The following RIGI variants were observed in gnomAD, a reference collection of about 807,000 sequenced individuals.
RIGI encodes antiviral innate immune response receptor RIG-I.
At chr9:32,458,677 T>C in the RIGI span, among the ~76,000 whole-genome samples, 3 of 152,340 alleles carry the variant, frequency 2.0e-5, no homozygotes, top group South Asian at 6.2e-4. Context: ...AAAGAAAAAT[T>C]GCAAAGATAT....
the RIGI span, among the ~76,000 whole-genome samples, chr9:32,491,106 G>T: frequency 1.3e-5 from 2 of 152,276 alleles, no homozygotes; most frequent in Middle Eastern, 3.4e-3. Flanking sequence ...AAGAAAAAAA[G>T]ATAGTGGAAG....
chr9:32,481,571 C>T, the RIGI span: 1 of 1,095,632 alleles, frequency 9.1e-7, no homozygotes, highest in Non-Finnish European at 1.3e-6. Context: ...CAGGCCTCAC[C>T]CTCTAATTTT....
At chr9:32,470,284 T>G in the RIGI span, among the ~76,000 whole-genome samples, 1 of 152,312 alleles carries the variant, frequency 6.6e-6, no homozygotes, top group African/African-American at 2.4e-5. Context: ...CAGGCATTGT[T>G]CTAAACCAGA....
chr9:32,477,027 C>G, the RIGI span: 12 of 1,614,024 alleles, frequency 7.4e-6, no homozygotes, highest in African/African-American at 1.5e-4. Flanking sequence ...GTTATTGTCT[C>G]TGGGTTTAAG....
At chr9:32,478,071 G>T in the RIGI span, among the ~76,000 whole-genome samples, 1 of 151,770 alleles carries the variant, frequency 6.6e-6, no homozygotes. Context: ...TCCTGAGATG[G>T]AGTCTCCTGG....
At chr9:32,459,355 T>C in the RIGI span, 3 of 1,610,836 alleles carry the variant, frequency 1.9e-6, no homozygotes, top group Non-Finnish European at 2.5e-6. Flanking sequence ...AGGCACTTTG[T>C]AAAAAGGCAG....
At chr9:32,485,540 T>C in the RIGI span, 1 of 480,780 alleles carries the variant, frequency 2.1e-6, no homozygotes, top group East Asian at 5.3e-5. Context: ...TCTTTTTTTT[T>C]TTTTTTTTTT....
chr9:32,522,611 G>T, the RIGI span, among the ~76,000 whole-genome samples: 2 of 152,182 alleles, frequency 1.3e-5, no homozygotes, highest in African/African-American at 4.8e-5. Flanking sequence ...GGCCCATCCA[G>T]CTGTGATATG....
chr9:32,505,331 C>A, the RIGI span, among the ~76,000 whole-genome samples: 2 of 151,964 alleles, frequency 1.3e-5, no homozygotes, highest in Non-Finnish European at 2.9e-5. Context: ...AAAAGAAGAC[C>A]TCAAGGGTAT....
At chr9:32,460,785 C>T in the RIGI span, among the ~76,000 whole-genome samples, 1 of 150,418 alleles carries the variant, frequency 6.6e-6, no homozygotes, top group Non-Finnish European at 1.5e-5. Flanking sequence ...AAAAAAAAAG[C>T]GCAAAGTCTC....
the RIGI span, among the ~76,000 whole-genome samples, chr9:32,521,485 C>T: frequency 8.5e-5 from 13 of 152,174 alleles, no homozygotes; most frequent in Admixed American, 5.2e-4. Flanking sequence ...TATTTTGTAG[C>T]GACCTGTGAT....
At chr9:32,504,994 T>C in the RIGI span, among the ~76,000 whole-genome samples, 2 of 124,760 alleles carry the variant, frequency 1.6e-5, no homozygotes, top group East Asian at 4.0e-4. Flanking sequence ...ATATATTTTA[T>C]ATATAATATA....
the RIGI span, among the ~76,000 whole-genome samples, chr9:32,481,066 A>G: frequency 6.6e-6 from 1 of 152,122 alleles, no homozygotes; most frequent in South Asian, 2.1e-4. Flanking sequence ...CAATCACCCA[A>G]TTTTTTCCAA....
chr9:32,488,749 T>C, the RIGI span: 1 of 1,608,842 alleles, frequency 6.2e-7, no homozygotes, highest in Non-Finnish European at 8.5e-7. Context: ...TCTTTCAAAG[T>C]ATTTTGAGAA....
At chr9:32,477,074 A>C in the RIGI span, 1 of 1,614,146 alleles carries the variant, frequency 6.2e-7, no homozygotes, top group Middle Eastern at 1.6e-4. Context: ...GAGGTCTTCA[A>C]GTTTAGGATT....
At chr9:32,463,461 C>T in the RIGI span, among the ~76,000 whole-genome samples, 1 of 152,278 alleles carries the variant, frequency 6.6e-6, no homozygotes, top group East Asian at 1.9e-4. Context: ...AAAATATAAC[C>T]TTGCCTTTCA....
the RIGI span, chr9:32,455,662 A>C: frequency 6.6e-6 from 1 of 151,818 alleles, no homozygotes; most frequent in East Asian, 2.0e-4. Flanking sequence ...AGACACTCTT[A>C]ATAAAATACA....
the RIGI span, among the ~76,000 whole-genome samples, chr9:32,512,826 A>C: frequency 2.0e-5 from 3 of 152,042 alleles, no homozygotes; most frequent in African/African-American, 7.2e-5. Flanking sequence ...AAACCCCATC[A>C]TCTCAGCCCA....
At chr9:32,500,671 G>A in the RIGI span, 3 of 1,069,020 alleles carry the variant, frequency 2.8e-6, no homozygotes, top group Non-Finnish European at 4.0e-6. Context: ...CCTAAAAACA[G>A]TCTTTACATT....
Sources: allele counts gnomAD v4.1 joint callset (sites outside exome capture counted in the v4.1 genomes callset), GRCh38; gene constraint gnomAD v4.1.1; transcripts MANE v1.5; gene names NCBI Gene and HGNC (gene_info 2026-07-23, HGNC 2026-07-21).